The following SNX13 variants were observed in gnomAD, a reference collection of about 807,000 sequenced individuals.
SNX13 encodes the protein sorting nexin-13.
Under a neutral mutation model 133.6 loss-of-function variants are expected in SNX13, and 45 were observed. The ratio of observed to expected loss-of-function variants is 0.34; its 90% CI spans 0.27 to 0.43. SNX13 has a LOEUF of 0.43. Ranked by LOEUF, SNX13 falls within the 20% of genes least tolerant of loss-of-function variation. The probability of loss-of-function intolerance (pLI) is 1.00; values close to 1 mark genes in which losing one functional copy is unlikely to be tolerated. For synonymous variants in SNX13, 414 were observed against 373.9 expected, an observed-to-expected ratio of 1.11 and a Z score of -1.24; for missense variants, 1,032 against 1,145.1, an observed-to-expected ratio of 0.90 and a Z score of 1.43.
intron 1 of SNX13, among the ~76,000 whole-genome samples, chr7:17,920,608 G>A (rs963955762): frequency 2.6e-5 from 4 of 152,154 alleles, no homozygotes; most frequent in African/African-American, 9.7e-5. Flanking sequence ...ATGAGTTGCA[G>A]TTAACCCATT....
At chr7:17,795,962 A>T (rs1345342164) in intron 25 of SNX13, 1 of 151,754 alleles carries the variant, frequency 6.6e-6, no homozygotes, top group Non-Finnish European at 1.5e-5. Context: ...AAATTTATAG[A>T]GAAAATACAG....
chr7:17,832,076 T>C (rs1788556185), intron 15 of SNX13: 1 of 982,676 alleles, frequency 1.0e-6, no homozygotes, highest in Non-Finnish European at 1.2e-6. Flanking sequence ...GATACATAAG[T>C]ATATAATCTC....
chr7:17,937,336 CT>C (rs1158241997), intron 1 of SNX13, among the ~76,000 whole-genome samples: 6 of 151,770 alleles, frequency 4.0e-5, no homozygotes, highest in Admixed American at 2.6e-4. Flanking sequence ...CTTCTCATTT[CT>C]GAAAAGGTTT....
At chr7:17,872,964 T>G (rs1281483037) in intron 8 of SNX13, among the ~76,000 whole-genome samples, 1 of 152,216 alleles carries the variant, frequency 6.6e-6, no homozygotes, top group Non-Finnish European at 1.5e-5. Context: ...CTGACATTAA[T>G]TTTCCAATTG....
At position 17,850,095 on chromosome 7, in the gene SNX13, T is replaced by C. The variant is rs1259790732; in HGVS notation, c.1065+252A>G. Among the ~76,000 whole-genome samples the C allele has an allele frequency of 2.6e-5, 4 of 152,310 alleles. No individual in the cohort carries two copies. In the East Asian group the frequency reaches 7.7e-4, roughly 29 times the overall value. On this transcript the variant is annotated intron_variant, in intron 11 of 25. Coordinates refer to ENST00000428135, the MANE Select transcript of SNX13 (RefSeq NM_015132.5). ...AATAAACAAATGATACACAAGTAAA[T>C]GTATAAATAAATCAAGGAATAAAAT...
chr7:17,925,247 G>A (rs1303927684), intron 1 of SNX13, among the ~76,000 whole-genome samples: 1 of 152,140 alleles, frequency 6.6e-6, no homozygotes, highest in East Asian at 1.9e-4. Context: ...AGACAGATTA[G>A]TGATAGCCTG....
At chr7:17,816,349 A>C (rs1388630319) in intron 18 of SNX13, 60 bp from the exon 19 acceptor site, 13 of 1,490,822 alleles carry the variant, frequency 8.7e-6, no homozygotes, top group Non-Finnish European at 1.2e-5. Flanking sequence ...TTCCCAAGTG[A>C]TTATTTCTCT....
intron 3 of SNX13, among the ~76,000 whole-genome samples, chr7:17,892,272 T>C (rs1796706015): frequency 6.6e-6 from 1 of 152,004 alleles, no homozygotes; most frequent in Non-Finnish European, 1.5e-5. Flanking sequence ...TCATAAGACA[T>C]ACTTAGAAAT....
chr7:17,931,294 T>C (rs781638011), intron 1 of SNX13, among the ~76,000 whole-genome samples: 4 of 152,210 alleles, frequency 2.6e-5, no homozygotes, highest in Non-Finnish European at 5.9e-5. Context: ...AAATACAATA[T>C]TACAGCTTGG....
chr7:17,856,785 T>G (rs1307337670), intron 9 of SNX13, among the ~76,000 whole-genome samples: 3 of 97,584 alleles, frequency 3.1e-5, no homozygotes, highest in African/African-American at 1.2e-4. Context: ...GAGACTCTCT[T>G]AAAAAAAAAA....
chr7:17,854,142 G>C (rs549522080), intron 9 of SNX13, among the ~76,000 whole-genome samples: 263 of 152,102 alleles, frequency 1.7e-3, no homozygotes, highest in African/African-American at 5.9e-3. Flanking sequence ...TTTAAGAAAG[G>C]GTGTTTAATG....
intron 1 of SNX13, among the ~76,000 whole-genome samples, chr7:17,907,679 G>A (rs557510422): frequency 6.6e-6 from 1 of 152,152 alleles, no homozygotes; most frequent in Non-Finnish European, 1.5e-5. Flanking sequence ...CTTGCTATAA[G>A]GTTTATCTGA....
At chr7:17,813,618 GCT>G (rs1786313390) in intron 20 of SNX13, among the ~76,000 whole-genome samples, 1 of 142,348 alleles carries the variant, frequency 7.0e-6, no homozygotes, top group Non-Finnish European at 1.5e-5. Context: ...ACAGGGTCTT[GCT>G]CTCTCACACA....
intron 20 of SNX13, among the ~76,000 whole-genome samples, chr7:17,807,682 C>T (rs759849463): frequency 2.9e-4 from 44 of 152,150 alleles, no homozygotes; most frequent in Non-Finnish European, 1.3e-4. Flanking sequence ...AGACACCTCC[C>T]ATCAGGGGTC....
intron 14 of SNX13, 138 bp from the exon 15 acceptor site, chr7:17,834,322 T>C: frequency 1.4e-6 from 1 of 708,870 alleles, no homozygotes; most frequent in Non-Finnish European, 2.1e-6. Flanking sequence ...TAAGACTATT[T>C]CACAACTAAT....
intron 5 of SNX13, among the ~76,000 whole-genome samples, chr7:17,879,083 G>A (rs890558861): frequency 4.6e-5 from 7 of 152,142 alleles, no homozygotes; most frequent in African/African-American, 1.7e-4. Context: ...TATGCATTCT[G>A]ATAATACCAA....
At chr7:17,938,974 G>A (rs1802438829) in intron 1 of SNX13, among the ~76,000 whole-genome samples, 1 of 152,108 alleles carries the variant, frequency 6.6e-6, no homozygotes, top group South Asian at 2.1e-4. Flanking sequence ...CTCCAAGAAT[G>A]AAAAATCTGT....
intron 1 of SNX13, among the ~76,000 whole-genome samples, chr7:17,935,794 C>G (rs1801955181): frequency 6.6e-6 from 1 of 152,140 alleles, no homozygotes. Context: ...CTCTGAATGC[C>G]AGTGGACCTA....
intron 1 of SNX13, among the ~76,000 whole-genome samples, chr7:17,911,371 A>G (rs73310171): frequency 6.6e-5 from 10 of 152,264 alleles, no homozygotes; most frequent in African/African-American, 2.4e-4. Flanking sequence ...GGGCGCAGTG[A>G]TTCATGCCTA....
Sources: gnomAD v4.1 joint callset for allele counts (sites outside exome capture counted in the v4.1 genomes callset) on GRCh38, gnomAD v4.1.1 for gene constraint, MANE v1.5 for transcripts, NCBI Gene and HGNC (gene_info 2026-07-23, HGNC 2026-07-21) for gene names.